CTNNA2: variants seen among roughly 807,000 people sequenced by gnomAD.
CTNNA2 encodes the protein catenin alpha-2.
Under a neutral mutation model 101.0 loss-of-function variants are expected in CTNNA2, and 42 were observed. That is an observed-to-expected ratio of 0.42 (90% CI 0.32 to 0.54). The LOEUF is 0.54. Among genes scored for constraint, CTNNA2 ranks in the 20% least tolerant of loss-of-function variants. The pLI, the probability that CTNNA2 is intolerant of heterozygous loss-of-function variation, is 0.14. For missense variants in CTNNA2, 871 were observed against 1,223.1 expected (o/e 0.71, Z 4.29); for synonymous variants, 450 against 456.4 (o/e 0.99, Z 0.18).
intron 9 of CTNNA2, among the ~76,000 whole-genome samples, chr2:80,419,870 A>G (rs1018162180): frequency 2.0e-5 from 3 of 151,920 alleles, no homozygotes; most frequent in East Asian, 1.9e-4. Flanking sequence ...CTGAAACAAA[A>G]GAAGTGGAAG....
chr2:79,945,215 T>C (rs937326634), intron 7 of CTNNA2, among the ~76,000 whole-genome samples: 4 of 152,062 alleles, frequency 2.6e-5, no homozygotes, highest in Admixed American at 2.0e-4. Context: ...GATAATTTTT[T>C]ATTTTTGTAG....
chr2:79,835,683 T>TTTGTTTGTTTGTTTG (rs1558565769), intron 3 of CTNNA2, among the ~76,000 whole-genome samples: 3 of 129,718 alleles, frequency 2.3e-5, no homozygotes, highest in African/African-American at 9.3e-5. Flanking sequence ...TTTTTTTTTT[T>TTTGTTTGTTTGTTTG]TTTTTTTTTT....
intron 4 of CTNNA2, among the ~76,000 whole-genome samples, chr2:79,448,536 T>C (rs1678856934): frequency 6.6e-6 from 1 of 152,046 alleles, no homozygotes; most frequent in African/African-American, 2.4e-5. Context: ...CAGAAGACTT[T>C]AGACCTCCAG....
chr2:79,551,913 A>G (rs1674125465), intron 1 of CTNNA2, among the ~76,000 whole-genome samples: 1 of 152,172 alleles, frequency 6.6e-6, no homozygotes, highest in Non-Finnish European at 1.5e-5. Flanking sequence ...TCTTCCTCCA[A>G]CATTGGTGAT....
chr2:80,202,456 G>A (rs1707267622), intron 7 of CTNNA2, among the ~76,000 whole-genome samples: 1 of 152,120 alleles, frequency 6.6e-6, no homozygotes, highest in Non-Finnish European at 1.5e-5. Context: ...TTCCCCTATT[G>A]GCTGTCATTT....
At chr2:80,144,767 T>C (rs1703230496) in intron 7 of CTNNA2, among the ~76,000 whole-genome samples, 1 of 152,228 alleles carries the variant, frequency 6.6e-6, no homozygotes, top group East Asian at 1.9e-4. Flanking sequence ...GTGTTGTTCT[T>C]CATTTGTTTC....
intron 4 of CTNNA2, among the ~76,000 whole-genome samples, chr2:79,461,580 C>T (rs1310082887): frequency 6.6e-6 from 1 of 152,106 alleles, no homozygotes. Context: ...CACCAATCCC[C>T]ATTCATTACT....
chr2:80,081,232 T>C (rs73940935), intron 7 of CTNNA2, among the ~76,000 whole-genome samples: 1,549 of 152,248 alleles, frequency 0.01, 18 homozygotes, highest in African/African-American at 0.035. Context: ...AATTTGTGTT[T>C]GGTGTTTTCG....
In CTNNA2 at chr2:80,605,067, C is replaced by A. The variant is rs546220878; in HGVS notation, c.2295+888C>A. The stretch of plus-strand genomic sequence containing the variant: ...CCTTCAGATTTCAGCTTTATTCTAA[C>A]CCAGACTCAGAAGCATCAGAGATAA... On this transcript the variant is annotated intron_variant, in intron 16 of 18. Transcript: ENST00000402739. 3.3e-5 allele frequency: 5 copies of A among 152,084 alleles called. No individual in the cohort carries two copies. The South Asian group carries it at 1.0e-3, about 32-fold the overall frequency. 9.4% of individuals were successfully genotyped at this position (152,084 alleles called of 1,614,324 possible).
Position 80,509,631 on chromosome 2 carries a change from A to C in CTNNA2, c.1291-35351A>C, listed in dbSNP as rs145072156. On this transcript the variant is annotated intron_variant, in intron 9 of 18. Coordinates refer to ENST00000402739, the MANE Select transcript of CTNNA2 (RefSeq NM_001282597.3). ...GTACTTGGGAAGCCAAGTTCAGCAC[A>C]GTACTACCAATGAGAGAAGGAGGAA... Among the ~76,000 whole-genome samples the C allele has an allele frequency of 4.3e-3, 661 of 152,172 alleles. 5 individuals carry two copies. The highest frequency in any genetic ancestry group is 0.015 in the African/African-American group (635 of 41,456).
intron 9 of CTNNA2, among the ~76,000 whole-genome samples, chr2:80,483,617 C>T (rs566397643): frequency 9.5e-4 from 144 of 152,082 alleles, no homozygotes; most frequent in Non-Finnish European, 1.6e-3. Context: ...ATCTTATCTA[C>T]AGAATATTTT....
chr2:80,358,536 A>G, intron 7 of CTNNA2, among the ~76,000 whole-genome samples: 1 of 151,876 alleles, frequency 6.6e-6, no homozygotes, highest in Non-Finnish European at 1.5e-5. Flanking sequence ...TTTTTAGTAG[A>G]GATGGGGTTT....
intron 2 of CTNNA2, among the ~76,000 whole-genome samples, chr2:79,199,215 G>C (rs753716363): frequency 6.6e-6 from 1 of 152,160 alleles, no homozygotes; most frequent in South Asian, 2.1e-4. Flanking sequence ...GCTATAACAT[G>C]TGTGGCAGAC....
chr2:80,096,291 A>G (rs973388152), intron 7 of CTNNA2, among the ~76,000 whole-genome samples: 1 of 152,190 alleles, frequency 6.6e-6, no homozygotes, highest in African/African-American at 2.4e-5. Flanking sequence ...CAGGTTGTTC[A>G]GTTTCCATGT....
At chr2:80,269,533 G>A (rs1673293210) in intron 7 of CTNNA2, among the ~76,000 whole-genome samples, 1 of 152,008 alleles carries the variant, frequency 6.6e-6, no homozygotes. Flanking sequence ...CGGTGCTCTT[G>A]CAATTTAGAT....
At chr2:79,677,584 T>C (rs1368755834) in intron 2 of CTNNA2, among the ~76,000 whole-genome samples, 1 of 152,216 alleles carries the variant, frequency 6.6e-6, no homozygotes, top group African/African-American at 2.4e-5. Flanking sequence ...AAATCACTTA[T>C]TTTAAGCATC....
At chr2:80,585,428 G>A (rs1426669605) in intron 14 of CTNNA2, among the ~76,000 whole-genome samples, 1 of 152,120 alleles carries the variant, frequency 6.6e-6, no homozygotes, top group Admixed American at 6.6e-5. Flanking sequence ...CCCACATCAG[G>A]CAGATCAACA....
chr2:80,324,932 A>C (rs1030240817), intron 7 of CTNNA2, among the ~76,000 whole-genome samples: 3 of 152,224 alleles, frequency 2.0e-5, no homozygotes, highest in African/African-American at 7.2e-5. Context: ...TAAAGAAGGC[A>C]TCAGATCATT....
chr2:79,592,605 T>C (rs527737342), intron 1 of CTNNA2, among the ~76,000 whole-genome samples: 8 of 152,324 alleles, frequency 5.3e-5, no homozygotes, highest in African/African-American at 1.9e-4. Flanking sequence ...ATCACACACA[T>C]ACCCCACACA....
Sources: gnomAD v4.1 joint callset for allele counts (sites outside exome capture counted in the v4.1 genomes callset) on GRCh38, gnomAD v4.1.1 for gene constraint, MANE v1.5 for transcripts, NCBI Gene and HGNC (gene_info 2026-07-23, HGNC 2026-07-21) for gene names.